Variants in CLVS1 observed in about 807,000 individuals in gnomAD.
CLVS1 encodes the protein clavesin 1.
Under a neutral mutation model 33.1 loss-of-function variants are expected in CLVS1, and 10 were observed. That is an observed-to-expected ratio of 0.30 (90% confidence interval 0.19 to 0.51). The LOEUF (loss-of-function observed/expected upper bound fraction) is 0.51, where lower values mean the gene tolerates loss of function less well. Ranked by LOEUF, CLVS1 falls within the 20% of genes least tolerant of loss-of-function variation. The pLI, the probability that CLVS1 is intolerant of heterozygous loss-of-function variation, is 0.97. For missense variants in CLVS1, 343 were observed against 433.4 expected, an observed-to-expected ratio of 0.79 and a Z score of 1.85; for synonymous variants, 163 against 166.1, an observed-to-expected ratio of 0.98 and a Z score of 0.14.
intron 2 of CLVS1, among the ~76,000 whole-genome samples, chr8:61,207,367 G>A (rs1467594170): frequency 6.6e-6 from 1 of 152,026 alleles, no homozygotes; most frequent in Non-Finnish European, 1.5e-5. Flanking sequence ...GATTTGCAGC[G>A]GTGCATGGGT....
chr8:61,233,840 G>A (rs966710212), intron 2 of CLVS1, among the ~76,000 whole-genome samples: 1 of 152,238 alleles, frequency 6.6e-6, no homozygotes, highest in African/African-American at 2.4e-5. Flanking sequence ...GAATCAGCAC[G>A]TGGGCTGCAT....
chr8:60,965,005 C>T, the CLVS1 span, among the ~76,000 whole-genome samples: 1 of 152,064 alleles, frequency 6.6e-6, no homozygotes. Flanking sequence ...TTTGTTATAG[C>T]TTCATAGATT....
At chr8:61,070,410 A>G (rs891076580) in intron 1 of CLVS1, among the ~76,000 whole-genome samples, 3 of 152,242 alleles carry the variant, frequency 2.0e-5, no homozygotes, top group Non-Finnish European at 4.4e-5. Context: ...TTTATTGCCA[A>G]TACTGTTCCT....
chr8:61,246,362 G>A (rs1057250988), intron 2 of CLVS1, among the ~76,000 whole-genome samples: 1 of 150,836 alleles, frequency 6.6e-6, no homozygotes, highest in African/African-American at 2.4e-5. Context: ...TAGAGATGGG[G>A]TTGCACCATG....
At chr8:61,430,719 C>G (rs189215502) in intron 3 of CLVS1, among the ~76,000 whole-genome samples, 1 of 152,202 alleles carries the variant, frequency 6.6e-6, no homozygotes, top group Admixed American at 6.5e-5. Context: ...TCAGTGTGTG[C>G]CAATGTGTTA....
chr8:61,032,748 T>A, the CLVS1 span, among the ~76,000 whole-genome samples: 5 of 152,242 alleles, frequency 3.3e-5, no homozygotes, highest in Admixed American at 1.3e-4. Flanking sequence ...ATTTATTTCT[T>A]CTTCCAGTGC....
chr8:61,388,901 C>A (rs1047903761), intron 3 of CLVS1, among the ~76,000 whole-genome samples: 3 of 152,090 alleles, frequency 2.0e-5, no homozygotes, highest in African/African-American at 7.2e-5. Flanking sequence ...TACCCTTGAA[C>A]AAATTTCTCC....
intron 3 of CLVS1, among the ~76,000 whole-genome samples, chr8:61,433,617 CA>C (rs1355564838): frequency 6.6e-6 from 1 of 152,012 alleles, no homozygotes; most frequent in Non-Finnish European, 1.5e-5. Context: ...GCAGGCATAC[CA>C]GGAGCGTCTG....
intron 2 of CLVS1, among the ~76,000 whole-genome samples, chr8:61,338,280 G>GA (rs777303755): frequency 4.1e-4 from 61 of 150,372 alleles, no homozygotes; most frequent in Admixed American, 1.3e-3. Context: ...TAGGAAAATG[G>GA]AAAAAAAAAG....
At chr8:61,317,454 C>A (rs1253636166) in intron 2 of CLVS1, among the ~76,000 whole-genome samples, 1 of 152,086 alleles carries the variant, frequency 6.6e-6, no homozygotes, top group African/African-American at 2.4e-5. Flanking sequence ...GATATTCTCC[C>A]ACATCTTCAA....
At chr8:61,397,870 G>T in intron 3 of CLVS1, among the ~76,000 whole-genome samples, 1 of 152,080 alleles carries the variant, frequency 6.6e-6, no homozygotes, top group East Asian at 1.9e-4. Context: ...TATGTCTGTT[G>T]TGTGTTAATA....
chr8:61,342,727 C>A (rs1812069585), intron 2 of CLVS1, among the ~76,000 whole-genome samples: 1 of 152,262 alleles, frequency 6.6e-6, no homozygotes, highest in Non-Finnish European at 1.5e-5. Context: ...TCACATGCAG[C>A]CATTTAGAAA....
intron 3 of CLVS1, among the ~76,000 whole-genome samples, chr8:61,452,538 T>C (rs1352438212): frequency 6.6e-6 from 1 of 152,204 alleles, no homozygotes; most frequent in Non-Finnish European, 1.5e-5. Context: ...CTTTCGGGAA[T>C]GGTCTCTTTT....
In CLVS1 at chr8:61,454,266, T is replaced by G. The variant is rs1437679801; in HGVS notation, c.741+15T>G. On this transcript the variant is annotated intron_variant, in intron 4 of 5. Coordinates refer to ENST00000325897, the MANE Select transcript of CLVS1 (RefSeq NM_173519.3). The stretch of plus-strand genomic sequence containing the variant: ...CCAGGAAACGGGTAATGAAAACAAA[T>G]GCATCATGTAAATTCCTGGTACAAT... 1.3e-6 allele frequency: 2 copies of G among 1,561,558 alleles called. No individual in the cohort carries two copies. Among genetic ancestry groups the G allele is most frequent in the Admixed American group, 3.3e-5 (2 of 59,952 alleles).
intron 2 of CLVS1, among the ~76,000 whole-genome samples, chr8:61,346,145 C>T (rs1812212749): frequency 6.6e-6 from 1 of 152,064 alleles, no homozygotes; most frequent in Admixed American, 6.6e-5. Context: ...GGGCATTTCC[C>T]TGAAGAGTTA....
chr8:61,390,875 A>G (rs568731787), intron 3 of CLVS1: 1 of 152,204 alleles, frequency 6.6e-6, no homozygotes, highest in African/African-American at 2.4e-5. Flanking sequence ...AAAAGCAGTT[A>G]AAAAAGCTTA....
chr8:61,097,331 AAAT>A (rs1805371229), intron 1 of CLVS1, among the ~76,000 whole-genome samples: 1 of 151,996 alleles, frequency 6.6e-6, no homozygotes, highest in Admixed American at 6.5e-5. Context: ...ATTAATTAAA[AAAT>A]AAACAAATAA....
chr8:61,148,222 A>G (rs1806456976), intron 2 of CLVS1, among the ~76,000 whole-genome samples: 1 of 152,176 alleles, frequency 6.6e-6, no homozygotes, highest in African/African-American at 2.4e-5. Flanking sequence ...CTGTCTCGTA[A>G]TATTGTTAGC....
intron 3 of CLVS1, among the ~76,000 whole-genome samples, chr8:61,420,530 A>G (rs889646977): frequency 9.9e-5 from 15 of 152,112 alleles, no homozygotes; most frequent in East Asian, 1.9e-4. Context: ...TGAACCCGGG[A>G]GGCGGAGGTT....
Sources: gnomAD v4.1 joint callset for allele counts (sites outside exome capture counted in the v4.1 genomes callset) on GRCh38, gnomAD v4.1.1 for gene constraint, MANE v1.5 for transcripts, NCBI Gene and HGNC (gene_info 2026-07-23, HGNC 2026-07-21) for gene names.